TTLL4: variants seen among roughly 807,000 people sequenced by gnomAD.
The protein encoded by TTLL4 is tubulin monoglutamylase TTLL4.
In TTLL4, 85 loss-of-function variants were observed where a neutral mutation model predicts 122.7. The ratio of observed to expected loss-of-function variants is 0.69; its 90% CI spans 0.58 to 0.83. The LOEUF (loss-of-function observed/expected upper bound fraction) is 0.83, where lower values mean the gene tolerates loss of function less well. Ranked by LOEUF, TTLL4 falls within the 40% of genes least tolerant of loss-of-function variation. TTLL4 has a pLI of 0.00. For missense variants in TTLL4, 1,363 were observed against 1,488.6 expected (o/e 0.92, Z 1.39); for synonymous variants, 553 against 563.0 (o/e 0.98, Z 0.25).
At chr2:218,716,564 C>G (rs1164736006) in intron 1 of TTLL4, among the ~76,000 whole-genome samples, 1 of 152,180 alleles carries the variant, frequency 6.6e-6, no homozygotes, top group Non-Finnish European at 1.5e-5. Context: ...CCGAGGCGGG[C>G]AGATCACAAG....
At position 218,753,630 on chromosome 2, in the gene TTLL4, T is replaced by C; in HGVS notation, c.3305T>C (p.Ile1102Thr). 6.2e-7 allele frequency: 1 copy of C among 1,614,156 alleles called. No individual in the cohort carries two copies. Among genetic ancestry groups the C allele is most frequent in the South Asian group, 1.1e-5 (1 of 91,082 alleles). The change falls in exon 19 of 20, where the codon ATA becomes ACA. Residue 1102 changes from isoleucine (I) to threonine (T), a missense_variant. Transcript: ENST00000392102. Reference protein sequence around the residue: ...SLLTISKDDVILNAFSKSETS... With the variant: ...SLLTISKDDVTLNAFSKSETS... ...CTGACTATCTCAAAGGATGACGTGATACTCAATGCCTTCAGCAAATCAGAG... is the reference window on the plus strand; with the variant it reads ...CTGACTATCTCAAAGGATGACGTGACACTCAATGCCTTCAGCAAATCAGAG...
Position 218,747,137 on chromosome 2 carries a change from C to G in TTLL4, c.2109C>G (p.Ala703=), listed in dbSNP as rs1942865638. ...FPQSFILPQD[A]KLLRKAWESS... ...AGTCCTTTATCCTGCCCCAGGACGC[C>G]AAGCTCCTGCGCAAAGCGTGGGAGA... Residue 703 remains alanine, a synonymous_variant, in exon 9 of 20, where the codon GCC becomes GCG. Coordinates refer to ENST00000392102, the MANE Select transcript of TTLL4 (RefSeq NM_014640.5). This position sits in a 1 kb window ranked among gnomAD's most constrained non-coding sequence, Gnocchi z 4.7. 3 of 1,614,110 alleles carry G rather than the reference C, an allele frequency of 1.9e-6. No homozygotes were observed. Among genetic ancestry groups the G allele is most frequent in the African/African-American group, 1.3e-5 (1 of 74,926 alleles).
chr2:218,749,450 C>A, intron 14 of TTLL4, 63 bp downstream of exon 14: 1 of 1,575,016 alleles, frequency 6.3e-7, no homozygotes. Flanking sequence ...CTCCCATTGC[C>A]ACTCCAGTAA....
At position 218,752,859 on chromosome 2, in the gene TTLL4, C is replaced by A; in HGVS notation, c.3073C>A (p.Arg1025=). The A allele has an allele frequency of 6.2e-7, 1 of 1,614,146 alleles. No individual in the cohort carries two copies. The highest frequency in any genetic ancestry group is 8.5e-7 in the Non-Finnish European group (1 of 1,180,024). Residue 1025 remains arginine, a synonymous_variant, in exon 17 of 20, where the codon CGA becomes AGA. Coordinates refer to ENST00000392102, the MANE Select transcript of TTLL4 (RefSeq NM_014640.5). ...GTTTTCTCGCCGTGGTCAGTTTGAA[C>A]GAATTTTTCCTTCTCATATCTCCTC... ...DEFSRRGQFE[R]IFPSHISSRY...
chr2:218,717,793 ATCT>A (rs770109462), intron 1 of TTLL4, among the ~76,000 whole-genome samples: 124 of 149,700 alleles, frequency 8.3e-4, no homozygotes, highest in Non-Finnish European at 1.4e-3. Context: ...AGTCAGTTCT[ATCT>A]TCTTCTTTTT....
chr2:218,742,344 C>G (rs1414967261), intron 5 of TTLL4, among the ~76,000 whole-genome samples: 1 of 152,110 alleles, frequency 6.6e-6, no homozygotes. Context: ...TTGCTAAAAT[C>G]TTATTTTTTC....
rs200872563 is a variant in TTLL4 at position 218,738,928 on chromosome 2, C to T, written c.1252C>T (p.Arg418Cys). ...GLDNTVFCTK[R>C]ISIHLLASHA... ...GGACAATACAGTCTTCTGTACCAAG[C>T]GTATCAGCATTCACCTCCTTGCCTC... Residue 418 changes from arginine to cysteine, a missense_variant, in exon 3 of 20, where the codon CGT (arginine) becomes TGT (cysteine). Physicochemically the swap from Arg to Cys is radical, Grantham distance 180 (BLOSUM62 -3). Transcript: ENST00000392102. 2.1e-5 allele frequency: 34 copies of T among 1,614,202 alleles called. No individual in the cohort carries two copies. Among genetic ancestry groups the T allele is most frequent in the South Asian group, 2.1e-4 (19 of 91,088 alleles).
At chr2:218,734,350 A>G (rs1454958962) in intron 2 of TTLL4, among the ~76,000 whole-genome samples, 1 of 152,218 alleles carries the variant, frequency 6.6e-6, no homozygotes, top group Non-Finnish European at 1.5e-5. Context: ...TTTACTCAAC[A>G]GAATATTGAG....
intron 7 of TTLL4, 72 bp downstream of exon 7, chr2:218,745,873 C>T: frequency 7.3e-7 from 1 of 1,375,334 alleles, no homozygotes; most frequent in Non-Finnish European, 1.0e-6. Flanking sequence ...GGGGAGAGCT[C>T]TAGACACCTC....
chr2:218,716,662 G>T (rs1293401133), intron 1 of TTLL4, among the ~76,000 whole-genome samples: 1 of 152,124 alleles, frequency 6.6e-6, no homozygotes, highest in Non-Finnish European at 1.5e-5. Context: ...GGTAGTAAGT[G>T]CCTGTAGTCC....
intron 5 of TTLL4, 45 bp from the exon 6 acceptor site, chr2:218,745,064 G>A (rs773976559): frequency 3.7e-6 from 6 of 1,609,060 alleles, no homozygotes; most frequent in Non-Finnish European, 5.1e-6. Context: ...CTTCAGGGCT[G>A]TTGCTTTTTC....
rs751220266 is a variant in TTLL4, at chr2:218,748,833, C to T, written c.2502-3C>T. 1.9e-6 allele frequency: 3 copies of T among 1,613,774 alleles called. No individual in the cohort carries two copies. In the Admixed American group the frequency reaches 5.0e-5, roughly 27 times the overall value. On this transcript the variant is annotated splice_region_variant and splice_polypyrimidine_tract_variant and intron_variant, in intron 12 of 19. Transcript: ENST00000392102. ...CCTAATACTTCCTCTTCCTCCTCTG[C>T]AGGGCACTGAAGGCTTTGTGGAACT...
chr2:218,719,798 A>G (rs1455180623), intron 1 of TTLL4, among the ~76,000 whole-genome samples: 3 of 152,188 alleles, frequency 2.0e-5, no homozygotes, highest in Non-Finnish European at 4.4e-5. Context: ...ACCGTTTTTG[A>G]AAAGGGATTG....
chr2:218,714,662 A>G, intron 1 of TTLL4, among the ~76,000 whole-genome samples: 1 of 152,132 alleles, frequency 6.6e-6, no homozygotes, highest in Admixed American at 6.6e-5. Flanking sequence ...GGCAGTGCTC[A>G]GAGCTCAGAG....
chr2:218,746,241 C>T lies in TTLL4; in HGVS notation c.1974+10C>T. 1 of 1,613,418 alleles carries T rather than the reference C, an allele frequency of 6.2e-7. No individual in the cohort carries two copies. Among genetic ancestry groups the T allele is most frequent in the East Asian group, 2.2e-5 (1 of 44,836 alleles). ...TCGAGAGCATCAGAAGGTAGGGGTCCTTTCTGAGGAGCTGTTTCCCTGGAC... is the reference window on the plus strand; with the variant it reads ...TCGAGAGCATCAGAAGGTAGGGGTCTTTTCTGAGGAGCTGTTTCCCTGGAC... On this transcript the variant is annotated intron_variant, in intron 8 of 19. Coordinates refer to ENST00000392102, the MANE Select transcript of TTLL4 (RefSeq NM_014640.5).
At chr2:218,753,236 C>T (rs1943073065) in intron 18 of TTLL4, 51 bp downstream of exon 18, 2 of 1,599,824 alleles carry the variant, frequency 1.3e-6, no homozygotes, top group Non-Finnish European at 1.7e-6. Flanking sequence ...CCTCCCTCCT[C>T]TGCCTTATGA....
intron 19 of TTLL4, 64 bp downstream of exon 19, chr2:218,753,733 C>T: frequency 1.3e-6 from 2 of 1,555,242 alleles, no homozygotes; most frequent in East Asian, 2.2e-5. Context: ...TCTTCCTTCC[C>T]CTCTTCCCAG....
intron 1 of TTLL4, among the ~76,000 whole-genome samples, chr2:218,726,674 C>T (rs1054371005): frequency 2.0e-5 from 3 of 152,102 alleles, no homozygotes; most frequent in Admixed American, 1.3e-4. Context: ...ACTGTCTTGG[C>T]CAGGCTGGTC....
intron 1 of TTLL4, among the ~76,000 whole-genome samples, chr2:218,711,433 G>A (rs1408270717): frequency 2.7e-5 from 4 of 149,698 alleles, no homozygotes; most frequent in Non-Finnish European, 5.9e-5. Context: ...ATGGATATCT[G>A]CTTTTTCACT....
Sources: gnomAD v4.1 joint callset for allele counts (sites outside exome capture counted in the v4.1 genomes callset) on GRCh38, gnomAD v4.1.1 for gene constraint, Gnocchi (gnomAD v3.1) non-coding constraint, MANE v1.5 for transcripts, NCBI Gene and HGNC (gene_info 2026-07-23, HGNC 2026-07-21) for gene names.